Variants in SGF29 observed in about 807,000 individuals in gnomAD.
The protein encoded by SGF29 is SAGA complex associated factor 29, also known as SAGA-associated factor 29.
A neutral mutation model predicts 38.1 loss-of-function variants in SGF29; 15 were observed. That is an observed-to-expected ratio of 0.39 (90% CI 0.26 to 0.61). The LOEUF (loss-of-function observed/expected upper bound fraction) is 0.61. Among genes scored for constraint, SGF29 ranks in the 20% least tolerant of loss-of-function variants. The pLI is 0.49. For missense variants in SGF29, 184 were observed against 394.6 expected, an observed-to-expected ratio of 0.47 and a Z score of 4.52; for synonymous variants, 151 against 160.8, an observed-to-expected ratio of 0.94 and a Z score of 0.46.
chr16:28,589,346 C>A, intron 5 of SGF29, 182 bp downstream of exon 5: 1 of 599,354 alleles, frequency 1.7e-6, no homozygotes, highest in Non-Finnish European at 3.0e-6. Flanking sequence ...TGCCCAGAGG[C>A]AGGGGTTTCC....
chr16:28,561,829 A>T (rs1476767913), intron 1 of SGF29, among the ~76,000 whole-genome samples: 2 of 152,086 alleles, frequency 1.3e-5, no homozygotes, highest in Non-Finnish European at 2.9e-5. Context: ...TGGCCTTCCA[A>T]TTCATTATGG....
At chr16:28,570,108 C>G (rs2046856532) in intron 1 of SGF29, among the ~76,000 whole-genome samples, 1 of 152,154 alleles carries the variant, frequency 6.6e-6, no homozygotes, top group Non-Finnish European at 1.5e-5. Flanking sequence ...CCTCTGAGAC[C>G]CCAGACTGGT....
chr16:28,584,735 G>C (rs971063577), intron 2 of SGF29, among the ~76,000 whole-genome samples, 178 bp from the exon 3 acceptor site: 1 of 149,456 alleles, frequency 6.7e-6, no homozygotes, highest in Non-Finnish European at 1.5e-5. Context: ...CTTGCAGTGA[G>C]CCGAGATCGT....
intron 1 of SGF29, among the ~76,000 whole-genome samples, chr16:28,560,093 TTAGC>T (rs2046776927): frequency 2.0e-5 from 3 of 149,852 alleles, no homozygotes; most frequent in East Asian, 4.0e-4. Context: ...TACAAAAAAA[TTAGC>T]TAGGCGTGGT....
In SGF29 at chr16:28,590,548, G is replaced by A; in HGVS notation, c.567-83G>A. 1 of 1,612,070 alleles carries A rather than the reference G, an allele frequency of 6.2e-7. No individual in the cohort carries two copies. ...TCCCCAGAGGCTGGTTGTGCAGGGA[G>A]CACCAGGTCCTCCCCCATCCTCACT... On this transcript the variant is annotated intron_variant, in intron 7 of 9. Transcript: ENST00000317058. This position sits in a 1 kb window ranked among gnomAD's most constrained non-coding sequence, Gnocchi z 8.2.
At chr16:28,560,684 C>T (rs34413922) in intron 1 of SGF29, among the ~76,000 whole-genome samples, 6,570 of 151,892 alleles carry the variant, frequency 0.043, 244 homozygotes, top group East Asian at 0.2. Flanking sequence ...TGAACGGGCC[C>T]GGCGCAGTGG....
chr16:28,583,084 C>G (rs1467598768), intron 2 of SGF29, among the ~76,000 whole-genome samples: 2 of 152,274 alleles, frequency 1.3e-5, no homozygotes, highest in Non-Finnish European at 2.9e-5. Context: ...TCTCACCCGT[C>G]AGCTTCCAAA....
At chr16:28,589,211 G>A (rs1474537202) in intron 5 of SGF29, 47 bp downstream of exon 5, 8 of 1,604,440 alleles carry the variant, frequency 5.0e-6, no homozygotes, top group Non-Finnish European at 6.8e-6. Context: ...AGGACAAGAG[G>A]AGAGGCCCTG....
At chr16:28,587,057 G>A (rs2046959428) in intron 4 of SGF29, among the ~76,000 whole-genome samples, 1 of 152,092 alleles carries the variant, frequency 6.6e-6, no homozygotes, top group African/African-American at 2.4e-5. Flanking sequence ...TGTTGCCCAG[G>A]CTGGTCTTGA....
intron 4 of SGF29, among the ~76,000 whole-genome samples, 183 bp from the exon 5 acceptor site, chr16:28,588,917 C>T (rs2046970591): frequency 6.6e-6 from 1 of 152,160 alleles, no homozygotes; most frequent in Non-Finnish European, 1.5e-5. Flanking sequence ...CCCAGCCCAC[C>T]TTGACCAGAA....
At chr16:28,574,327 G>A (rs2046881608) in intron 1 of SGF29, among the ~76,000 whole-genome samples, 1 of 152,170 alleles carries the variant, frequency 6.6e-6, no homozygotes, top group African/African-American at 2.4e-5. Context: ...CATGCACAGT[G>A]TGCTCCTTAC....
intron 1 of SGF29, among the ~76,000 whole-genome samples, chr16:28,556,087 A>G (rs2046749045): frequency 6.6e-6 from 1 of 152,214 alleles, no homozygotes; most frequent in Admixed American, 6.5e-5. Flanking sequence ...AAACACTGGC[A>G]TAAGTTGCAA....
chr16:28,588,546 C>T lies in SGF29; in HGVS notation c.225-554C>T, dbSNP rs549942951. 182 of 417,688 alleles carry T rather than the reference C, an allele frequency of 4.4e-4. 1 individual carries two copies. The highest frequency in any genetic ancestry group is 6.7e-4 in the Non-Finnish European group (144 of 215,706). 25.9% of individuals were successfully genotyped at this position (417,688 alleles called of 1,614,324 possible). On this transcript the variant is annotated intron_variant, in intron 4 of 9. Transcript: ENST00000317058. ...TTTTTATGTTCTTAAGACTAAAAGA[C>T]ACATACTGAAGATTTCCAGTTTTCT...
chr16:28,586,073 G>C (rs2046954631), intron 4 of SGF29, among the ~76,000 whole-genome samples: 1 of 152,220 alleles, frequency 6.6e-6, no homozygotes, highest in Non-Finnish European at 1.5e-5. Context: ...AGGATCACTT[G>C]AACGCAGGTG....
chr16:28,579,821 C>G (rs1216720829), intron 1 of SGF29, among the ~76,000 whole-genome samples: 1 of 151,854 alleles, frequency 6.6e-6, no homozygotes, highest in Non-Finnish European at 1.5e-5. Context: ...ATCTCAGCTA[C>G]TCAGGAGGCT....
intron 1 of SGF29, among the ~76,000 whole-genome samples, chr16:28,555,872 C>T (rs993277310): frequency 1.3e-5 from 2 of 152,154 alleles, no homozygotes; most frequent in African/African-American, 4.8e-5. Flanking sequence ...TTTGTGATCT[C>T]TTTTACTATT....
chr16:28,568,551 T>A (rs2046846908), intron 1 of SGF29, among the ~76,000 whole-genome samples: 2 of 151,386 alleles, frequency 1.3e-5, no homozygotes, highest in South Asian at 4.2e-4. Context: ...ACATGACTGC[T>A]GTTGCATCTC....
intron 2 of SGF29, among the ~76,000 whole-genome samples, chr16:28,582,713 G>A (rs1315569152): frequency 6.6e-6 from 1 of 152,216 alleles, no homozygotes; most frequent in Non-Finnish European, 1.5e-5. Context: ...GGAGGCTGAG[G>A]CGGGTGGATC....
In SGF29 at chr16:28,585,043, G is replaced by T. The variant is rs897669557; in HGVS notation, c.151+55G>T. On this transcript the variant is annotated intron_variant, in intron 3 of 9. Coordinates refer to ENST00000317058, the MANE Select transcript of SGF29 (RefSeq NM_138414.3). ...GATGAGATGGGGCTAGGGTGAGTAT[G>T]GCCAAGACTGTGACCGAGGTGGTCA... 2.2e-6 allele frequency: 3 copies of T among 1,351,136 alleles called. No individual in the cohort carries two copies. In the African/African-American group the frequency reaches 4.3e-5, roughly 20 times the overall value. The allele number at this position is 1,351,136 out of a possible 1,614,324, so 83.7% of individuals were successfully genotyped here.
Sources: allele counts gnomAD v4.1 joint callset (sites outside exome capture counted in the v4.1 genomes callset), GRCh38; gene constraint gnomAD v4.1.1; non-coding constraint Gnocchi (gnomAD v3.1); transcripts MANE v1.5; gene names NCBI Gene and HGNC (gene_info 2026-07-23, HGNC 2026-07-21).